Variants in ADGRL3 observed in about 807,000 individuals in gnomAD.
ADGRL3 encodes the protein calcium-independent alpha-latrotoxin receptor 3.
A neutral mutation model predicts 153.5 loss-of-function variants in ADGRL3; 62 were observed. The ratio of observed to expected loss-of-function variants is 0.40; its 90% CI spans 0.33 to 0.50. The LOEUF is 0.50. Ranked by LOEUF, ADGRL3 falls within the 20% of genes least tolerant of loss-of-function variation. The pLI, the probability that ADGRL3 is intolerant of heterozygous loss-of-function variation, is 0.47. For missense variants in ADGRL3, 1,641 were observed against 1,859.4 expected (o/e 0.88, Z 2.16); for synonymous variants, 710 against 672.5 (o/e 1.06, Z -0.86).
intron 6 of ADGRL3, among the ~76,000 whole-genome samples, chr4:61,711,287 A>G (rs2095976195): frequency 6.6e-6 from 1 of 151,358 alleles, no homozygotes; most frequent in African/African-American, 2.4e-5. Flanking sequence ...AATGTATCTC[A>G]CTGCACTAGT....
intron 2 of ADGRL3, among the ~76,000 whole-genome samples, chr4:61,410,371 C>G (rs2097070601): frequency 6.6e-6 from 1 of 151,852 alleles, no homozygotes; most frequent in South Asian, 2.1e-4. Context: ...TTCTTTTTCT[C>G]TCTTTACTTC....
At chr4:61,893,169 TC>T (rs1422376499) in intron 10 of ADGRL3, among the ~76,000 whole-genome samples, 2 of 151,834 alleles carry the variant, frequency 1.3e-5, no homozygotes, top group African/African-American at 2.4e-5. Flanking sequence ...TTCTTTTTTT[TC>T]ATTACAACAT....
At chr4:61,432,654 CTTTT>C (rs375176904) in intron 2 of ADGRL3, among the ~76,000 whole-genome samples, 9 of 19,696 alleles carry the variant, frequency 4.6e-4, no homozygotes, top group African/African-American at 1.8e-3. Context: ...TTCTTTCTTT[CTTTT>C]TTTTTTTTTT....
At position 61,313,227 on chromosome 4, in the gene ADGRL3, G is replaced by T. The variant is rs535253556; in HGVS notation, c.-239-69897G>T. Among the ~76,000 whole-genome samples, 153 of 152,294 alleles carry T rather than the reference G, an allele frequency of 1.0e-3. 7 individuals are homozygous for T. In the South Asian group the frequency reaches 0.031, roughly 31 times the overall value. ...ACAGACAGTGAAAAGATCAGTGGTT[G>T]CCAGAGGATCATGGGGAGATGAAGA... is the stretch of plus-strand genomic sequence containing the variant. On this transcript the variant is annotated intron_variant, in intron 1 of 26. Coordinates refer to ENST00000683033, the MANE Select transcript of ADGRL3 (RefSeq NM_001387552.1).
chr4:62,034,280 A>G (rs1297627185), intron 23 of ADGRL3, among the ~76,000 whole-genome samples: 2 of 151,782 alleles, frequency 1.3e-5, no homozygotes, highest in African/African-American at 2.4e-5. Context: ...ATAAGTATAT[A>G]CACCCTATCC....
chr4:61,819,268 A>T (rs1189953623), intron 9 of ADGRL3, among the ~76,000 whole-genome samples: 1 of 152,148 alleles, frequency 6.6e-6, no homozygotes, highest in Admixed American at 6.5e-5. Flanking sequence ...AATATGACAA[A>T]TTACGTTCTT....
At chr4:61,830,968 A>G (rs553041582) in intron 9 of ADGRL3, among the ~76,000 whole-genome samples, 1 of 152,202 alleles carries the variant, frequency 6.6e-6, no homozygotes, top group South Asian at 2.1e-4. Flanking sequence ...GGTTCACTGC[A>G]ACCTCTGCCT....
chr4:61,795,687 G>A (rs955203444), intron 8 of ADGRL3, among the ~76,000 whole-genome samples: 2 of 152,120 alleles, frequency 1.3e-5, no homozygotes, highest in Non-Finnish European at 2.9e-5. Flanking sequence ...TTGCATAGAC[G>A]TGTGTGTAGT....
chr4:61,296,837 T>A (rs1427456184), intron 1 of ADGRL3, among the ~76,000 whole-genome samples: 5 of 152,196 alleles, frequency 3.3e-5, no homozygotes, highest in Admixed American at 3.3e-4. Context: ...AAAGAAGCAA[T>A]GCTCAAATAT....
At chr4:61,575,890 T>A (rs1409709569) in intron 4 of ADGRL3, among the ~76,000 whole-genome samples, 1 of 152,108 alleles carries the variant, frequency 6.6e-6, no homozygotes, top group African/African-American at 2.4e-5. Flanking sequence ...AAAGACTTTC[T>A]ATTGATTTTT....
At chr4:61,736,920 C>A (rs1216609259) in intron 8 of ADGRL3, among the ~76,000 whole-genome samples, 1 of 152,066 alleles carries the variant, frequency 6.6e-6, no homozygotes, top group East Asian at 1.9e-4. Flanking sequence ...GGACTTATTG[C>A]AGTTTAGAGG....
In ADGRL3 at chr4:61,833,304, A is replaced by T. The variant is rs183411837; in HGVS notation, c.1480+19415A>T. On this transcript the variant is annotated intron_variant, in intron 9 of 26. Coordinates refer to ENST00000683033, the MANE Select transcript of ADGRL3 (RefSeq NM_001387552.1). ...GAACATGTAACCACCCAATGGGTTC[A>T]CCTTGCCCGCTGCGTAGACATAGCA... is the stretch of plus-strand genomic sequence containing the variant. Among the ~76,000 whole-genome samples the T allele has an allele frequency of 9.7e-4, 148 of 152,260 alleles. No individual in the cohort carries two copies. In the Middle Eastern group the frequency reaches 0.017, roughly 17 times the overall value.
At chr4:61,785,410 G>T (rs769188948) in intron 8 of ADGRL3, among the ~76,000 whole-genome samples, 1 of 152,098 alleles carries the variant, frequency 6.6e-6, no homozygotes, top group Non-Finnish European at 1.5e-5. Flanking sequence ...GATGCCTTTC[G>T]TGTAAAGTAG....
intron 3 of ADGRL3, among the ~76,000 whole-genome samples, chr4:61,513,280 A>G (rs2098473322): frequency 6.6e-6 from 1 of 152,192 alleles, no homozygotes; most frequent in Non-Finnish European, 1.5e-5. Context: ...AAAATTATAA[A>G]TCAGTATTGA....
chr4:62,051,436 T>A (rs1258298348), intron 25 of ADGRL3, among the ~76,000 whole-genome samples: 1 of 151,328 alleles, frequency 6.6e-6, no homozygotes, highest in Non-Finnish European at 1.5e-5. Context: ...AAATGAAATA[T>A]ATGAAATATT....
In ADGRL3 at chr4:61,915,887, A is replaced by G. The variant is rs191400264; in HGVS notation, c.2112+3130A>G. ...CTTTAGGCATTAAATTTGAAATAAG[A>G]TGATTTCTAAGTCATCATAATTGTT... On this transcript the variant is annotated intron_variant, in intron 13 of 26. Transcript: ENST00000683033. 7.4e-4 allele frequency among the ~76,000 whole-genome samples: 112 copies of G among 152,206 alleles called. 1 individual carries two copies. The Middle Eastern group carries it at 0.01, about 14-fold the overall frequency.
chr4:61,974,906 C>A (rs116304824), intron 17 of ADGRL3, among the ~76,000 whole-genome samples: 2,857 of 152,160 alleles, frequency 0.019, 100 homozygotes, highest in African/African-American at 0.066. Context: ...GGAAGAGTCC[C>A]AAGGACTGTT....
chr4:62,012,357 G>A (rs908560813), intron 21 of ADGRL3, among the ~76,000 whole-genome samples: 5 of 152,146 alleles, frequency 3.3e-5, no homozygotes, highest in African/African-American at 1.2e-4. Context: ...GAAAATGTGT[G>A]CAAAATAATA....
intron 2 of ADGRL3, among the ~76,000 whole-genome samples, chr4:61,473,372 C>T (rs573924828): frequency 6.6e-6 from 1 of 152,014 alleles, no homozygotes; most frequent in East Asian, 1.9e-4. Context: ...CTAGAACAAA[C>T]CAAACACACG....
Sources: allele counts gnomAD v4.1 joint callset (sites outside exome capture counted in the v4.1 genomes callset), GRCh38; gene constraint gnomAD v4.1.1; transcripts MANE v1.5; gene names NCBI Gene and HGNC (gene_info 2026-07-23, HGNC 2026-07-21).